ADAMTS12: variants seen among roughly 807,000 people sequenced by gnomAD.
ADAMTS12 encodes the protein A disintegrin and metalloproteinase with thrombospondin motifs 12.
Under a neutral mutation model 167.8 loss-of-function variants are expected in ADAMTS12, and 118 were observed. That is an observed-to-expected ratio of 0.70 (90% CI 0.61 to 0.82). The LOEUF is 0.82. ADAMTS12 is among the 40% of genes least tolerant of loss of function. The pLI is 0.00. For missense variants in ADAMTS12, 1,916 were observed against 1,998.8 expected, an observed-to-expected ratio of 0.96 and a Z score of 0.79; for synonymous variants, 704 against 716.9, an observed-to-expected ratio of 0.98 and a Z score of 0.29.
At chr5:33,739,457 CTATGTG>C (rs78198880) in intron 3 of ADAMTS12, among the ~76,000 whole-genome samples, 18,731 of 152,078 alleles carry the variant, frequency 0.12, 1,837 homozygotes, top group East Asian at 0.54. Flanking sequence ...TCAGAAGAAA[CTATGTG>C]TATGTGTATG....
chr5:33,733,693 G>A (rs372581959), intron 3 of ADAMTS12, among the ~76,000 whole-genome samples: 4 of 152,088 alleles, frequency 2.6e-5, no homozygotes, highest in Non-Finnish European at 5.9e-5. Context: ...TTTGGCTAAA[G>A]CATCCTTGTG....
At chr5:33,682,737 T>C (rs1178082723) in intron 5 of ADAMTS12, among the ~76,000 whole-genome samples, 1 of 152,220 alleles carries the variant, frequency 6.6e-6, no homozygotes, top group African/African-American at 2.4e-5. Context: ...CTATTTCTTT[T>C]GCAGAACATC....
chr5:33,855,670 GT>G (rs34334794), intron 2 of ADAMTS12, among the ~76,000 whole-genome samples: 2 of 151,884 alleles, frequency 1.3e-5, no homozygotes, highest in Admixed American at 6.6e-5. Flanking sequence ...TGGGAGAAAT[GT>G]TTTTTTTCTC....
intron 5 of ADAMTS12, among the ~76,000 whole-genome samples, chr5:33,667,052 T>C (rs995804073): frequency 6.6e-6 from 1 of 152,188 alleles, no homozygotes; most frequent in African/African-American, 2.4e-5. Flanking sequence ...GAAGAAAGTT[T>C]ACTTTAGTAA....
Position 33,855,838 on chromosome 5 carries a change from C to T in ADAMTS12, c.489+25281G>A, listed in dbSNP as rs185522051. On this transcript the variant is annotated intron_variant, in intron 2 of 23. Coordinates refer to ENST00000504830, the MANE Select transcript of ADAMTS12 (RefSeq NM_030955.4). ...CAACCACAGTCTCAAGCAATTCTCC[C>T]ACCTCAACCTCCGACGTAGTTGGGA... is the stretch of plus-strand genomic sequence containing the variant. Among the ~76,000 whole-genome samples, 98 of 152,256 alleles carry T rather than the reference C, an allele frequency of 6.4e-4. 2 individuals are homozygous for T. The highest frequency in any genetic ancestry group is 2.3e-3 in the African/African-American group (95 of 41,540).
rs1227098108 is a variant in ADAMTS12 at position 33,648,994 on chromosome 5, G to T, written c.1335-28C>A. 4 of 1,605,778 alleles carry T rather than the reference G, an allele frequency of 2.5e-6. No individual in the cohort carries two copies. The African/African-American group carries it at 5.4e-5, about 22-fold the overall frequency. On this transcript the variant is annotated intron_variant, in intron 8 of 23. Coordinates refer to ENST00000504830, the MANE Select transcript of ADAMTS12 (RefSeq NM_030955.4). The stretch of plus-strand genomic sequence containing the variant: ...GAAAACAAGTTAACAGAAATGAGAG[G>T]AGTTGTTTAGGATTCCCTTTACCTT...
At chr5:33,770,109 C>G (rs112960102) in intron 2 of ADAMTS12, among the ~76,000 whole-genome samples, 2 of 152,132 alleles carry the variant, frequency 1.3e-5, no homozygotes, top group African/African-American at 4.8e-5. Context: ...CATCCATGGA[C>G]AGCATGAGCT....
intron 2 of ADAMTS12, among the ~76,000 whole-genome samples, chr5:33,802,167 C>A (rs965401871): frequency 1.3e-5 from 2 of 152,168 alleles, no homozygotes; most frequent in Non-Finnish European, 1.5e-5. Flanking sequence ...GACTTTCCAG[C>A]CTCCAGTACT....
chr5:33,641,078 T>A (rs967922079), intron 11 of ADAMTS12, among the ~76,000 whole-genome samples: 1 of 151,924 alleles, frequency 6.6e-6, no homozygotes, highest in South Asian at 2.1e-4. Flanking sequence ...ATATCACATA[T>A]ACACTTTTAA....
intron 13 of ADAMTS12, among the ~76,000 whole-genome samples, chr5:33,624,638 T>G (rs1252983231): frequency 1.3e-5 from 2 of 152,202 alleles, no homozygotes; most frequent in African/African-American, 4.8e-5. Flanking sequence ...TCCAAAAATC[T>G]AACTATGAAA....
At chr5:33,624,479 A>G (rs1739484645) in intron 13 of ADAMTS12, 128 bp from the exon 14 acceptor site, 1 of 1,341,878 alleles carries the variant, frequency 7.5e-7, no homozygotes, top group African/African-American at 1.5e-5. Context: ...ACAAGGACAA[A>G]TGTTTGTTCC....
At chr5:33,863,128 G>A (rs188550550) in intron 2 of ADAMTS12, among the ~76,000 whole-genome samples, 18 of 152,202 alleles carry the variant, frequency 1.2e-4, no homozygotes, top group African/African-American at 3.9e-4. Flanking sequence ...TTTGAAAACC[G>A]GCACAAGACA....
chr5:33,719,997 T>C (rs1270180329), intron 3 of ADAMTS12, among the ~76,000 whole-genome samples: 1 of 152,202 alleles, frequency 6.6e-6, no homozygotes, highest in Non-Finnish European at 1.5e-5. Context: ...GGCTGATTTG[T>C]ATGGTGACCT....
At chr5:33,759,109 G>T (rs1253659657) in intron 2 of ADAMTS12, among the ~76,000 whole-genome samples, 1 of 152,172 alleles carries the variant, frequency 6.6e-6, no homozygotes, top group Non-Finnish European at 1.5e-5. Context: ...CATGGCCGAG[G>T]CTTCTAATCA....
chr5:33,761,318 C>T (rs570776334), intron 2 of ADAMTS12, among the ~76,000 whole-genome samples: 1 of 152,306 alleles, frequency 6.6e-6, no homozygotes, highest in African/African-American at 2.4e-5. Flanking sequence ...GAGGGGCAGC[C>T]AGGCAAGGCT....
rs111950974 is a variant in ADAMTS12, at chr5:33,872,114, G to A, written c.489+9005C>T. 4.9e-4 allele frequency among the ~76,000 whole-genome samples: 74 copies of A among 152,276 alleles called. 1 individual carries two copies. The highest frequency in any genetic ancestry group is 1.6e-3 in the African/African-American group (68 of 41,552). On this transcript the variant is annotated intron_variant, in intron 2 of 23. Coordinates refer to ENST00000504830, the MANE Select transcript of ADAMTS12 (RefSeq NM_030955.4). ...ATCAGGCCCAGATAGGTTCACTGGT[G>A]AACTCTACCAAATATTTAAAGAAGA...
intron 3 of ADAMTS12, among the ~76,000 whole-genome samples, chr5:33,718,219 A>G (rs1278508459): frequency 6.6e-6 from 1 of 152,254 alleles, no homozygotes. Context: ...TAGATTTTGT[A>G]TGAGAACATA....
chr5:33,662,178 CAGAG>C, intron 5 of ADAMTS12, 138 bp from the exon 6 acceptor site: 4 of 1,071,686 alleles, frequency 3.7e-6, no homozygotes, highest in Non-Finnish European at 5.3e-6. Flanking sequence ...AGTCATGTGG[CAGAG>C]GCCAACTGAC....
chr5:33,732,370 A>G (rs1366801537), intron 3 of ADAMTS12, among the ~76,000 whole-genome samples: 2 of 152,318 alleles, frequency 1.3e-5, no homozygotes, highest in East Asian at 3.9e-4. Flanking sequence ...TAAAAAAATT[A>G]AAGATGAAAA....
Sources: allele counts gnomAD v4.1 joint callset (sites outside exome capture counted in the v4.1 genomes callset), GRCh38; gene constraint gnomAD v4.1.1; transcripts MANE v1.5; gene names NCBI Gene and HGNC (gene_info 2026-07-23, HGNC 2026-07-21).